Variants in PDSS2 observed in about 807,000 individuals in gnomAD.
The protein encoded by PDSS2 is all trans-polyprenyl-diphosphate synthase PDSS2.
In PDSS2, 31 loss-of-function variants were observed where a neutral mutation model predicts 44.5. The ratio of observed to expected loss-of-function variants is 0.70; its 90% CI spans 0.52 to 0.94. The LOEUF is 0.94. Among genes scored for constraint, PDSS2 ranks in the 40% least tolerant of loss-of-function variants. PDSS2 has a pLI of 0.00. For missense variants in PDSS2, 452 were observed against 482.2 expected, an observed-to-expected ratio of 0.94 and a Z score of 0.59; for synonymous variants, 157 against 180.3, an observed-to-expected ratio of 0.87 and a Z score of 1.03.
chr6:107,283,865 T>C (rs1288913900), intron 2 of PDSS2, among the ~76,000 whole-genome samples: 1 of 151,402 alleles, frequency 6.6e-6, no homozygotes, highest in Non-Finnish European at 1.5e-5. Context: ...AAACTCCATC[T>C]CTACTAAAAA....
At chr6:107,439,437 T>A (rs1279062858) in intron 1 of PDSS2, among the ~76,000 whole-genome samples, 1 of 152,192 alleles carries the variant, frequency 6.6e-6, no homozygotes, top group Non-Finnish European at 1.5e-5. Context: ...GCATATCAGA[T>A]CACTTACATT....
chr6:107,322,670 C>T (rs1438903767), intron 2 of PDSS2, among the ~76,000 whole-genome samples: 1 of 152,102 alleles, frequency 6.6e-6, no homozygotes, highest in Non-Finnish European at 1.5e-5. Flanking sequence ...ATGGCAAAAA[C>T]ACCTCTCTAC....
rs1407244404 is a variant in PDSS2, at chr6:107,289,737, G to A, written c.432-15510C>T. ...GGAATATGCCAGTATAATCCAGGAT[G>A]TGGAGCATGGGGAGAGATGACTATG... On this transcript the variant is annotated intron_variant, in intron 2 of 7. Coordinates refer to ENST00000369037, the MANE Select transcript of PDSS2 (RefSeq NM_020381.4). Among the ~76,000 whole-genome samples the A allele has an allele frequency of 2.6e-5, 4 of 152,156 alleles. No individual in the cohort carries two copies. The East Asian group carries it at 7.7e-4, about 29-fold the overall frequency.
chr6:107,379,751 T>C (rs1373400757), intron 1 of PDSS2, among the ~76,000 whole-genome samples: 2 of 152,292 alleles, frequency 1.3e-5, no homozygotes, highest in East Asian at 3.9e-4. Flanking sequence ...TCTTTGTTTT[T>C]AGCTTTTTAA....
At chr6:107,277,914 T>C (rs1369862099) in intron 2 of PDSS2, among the ~76,000 whole-genome samples, 1 of 151,912 alleles carries the variant, frequency 6.6e-6, no homozygotes, top group African/African-American at 2.4e-5. Flanking sequence ...TAGCTGAGAT[T>C]GCACCACTGC....
chr6:107,422,854 A>C (rs1018749353), intron 1 of PDSS2, among the ~76,000 whole-genome samples: 2 of 152,086 alleles, frequency 1.3e-5, no homozygotes, highest in Non-Finnish European at 2.9e-5. Flanking sequence ...AATAAAATTA[A>C]TTTTCATTTT....
At chr6:107,402,484 ATACG>A in intron 1 of PDSS2, among the ~76,000 whole-genome samples, 1 of 132,284 alleles carries the variant, frequency 7.6e-6, no homozygotes, top group African/African-American at 2.8e-5. Context: ...GTATACATAT[ATACG>A]TATATATGTA....
chr6:107,374,340 G>C (rs1377349450), intron 1 of PDSS2, among the ~76,000 whole-genome samples: 2 of 151,446 alleles, frequency 1.3e-5, no homozygotes, highest in African/African-American at 4.9e-5. Flanking sequence ...TTAATGCTCA[G>C]TTAGGTACAA....
intron 1 of PDSS2, among the ~76,000 whole-genome samples, chr6:107,353,912 T>C (rs762463341): frequency 6.6e-6 from 1 of 152,182 alleles, no homozygotes; most frequent in Non-Finnish European, 1.5e-5. Context: ...CTCAGTAGTT[T>C]TGGAAATGTA....
At chr6:107,292,399 T>A (rs1776378116) in intron 2 of PDSS2, among the ~76,000 whole-genome samples, 1 of 152,214 alleles carries the variant, frequency 6.6e-6, no homozygotes, top group Non-Finnish European at 1.5e-5. Context: ...AGTATTGATG[T>A]GTTCTGTAAT....
intron 4 of PDSS2, among the ~76,000 whole-genome samples, chr6:107,231,012 C>T (rs1381300917): frequency 6.6e-6 from 1 of 152,034 alleles, no homozygotes; most frequent in East Asian, 1.9e-4. Flanking sequence ...AGTTTGAGAC[C>T]AGCCTGGGCA....
At chr6:107,239,235 C>T (rs894979568) in intron 4 of PDSS2, among the ~76,000 whole-genome samples, 1 of 152,120 alleles carries the variant, frequency 6.6e-6, no homozygotes, top group Admixed American at 6.6e-5. Flanking sequence ...TGAGATTGTG[C>T]CACTGCACTC....
At chr6:107,313,476 C>G (rs1325163107) in intron 2 of PDSS2, among the ~76,000 whole-genome samples, 8 of 152,116 alleles carry the variant, frequency 5.3e-5, no homozygotes, top group Non-Finnish European at 1.0e-4. Context: ...CCTCAGCCTC[C>G]TGAGTAGCTG....
chr6:107,458,755 A>G (rs1317081752), intron 1 of PDSS2, among the ~76,000 whole-genome samples: 1 of 152,122 alleles, frequency 6.6e-6, no homozygotes, highest in African/African-American at 2.4e-5. Flanking sequence ...AAGAAGCAAA[A>G]TCGAGGAAAG....
rs921700138 is a variant in PDSS2, at chr6:107,292,772, G to A, written c.432-18545C>T. Among the ~76,000 whole-genome samples the A allele has an allele frequency of 2.0e-5, 3 of 152,198 alleles. No homozygotes were observed. In the South Asian group the frequency reaches 6.2e-4, roughly 32 times the overall value. The stretch of plus-strand genomic sequence containing the variant: ...AGGTCAACCAGATGCTTATGAGGAG[G>A]AGGAGGGGCAGCTAACTAATAATAA... On this transcript the variant is annotated intron_variant, in intron 2 of 7. Transcript: ENST00000369037.
chr6:107,194,298 T>A (rs1772480037), intron 6 of PDSS2, among the ~76,000 whole-genome samples: 1 of 152,246 alleles, frequency 6.6e-6, no homozygotes, highest in Non-Finnish European at 1.5e-5. Context: ...ATTCACACAT[T>A]GCATTCTGGT....
intron 2 of PDSS2, among the ~76,000 whole-genome samples, chr6:107,275,195 G>A (rs555565704): frequency 1.3e-4 from 20 of 151,980 alleles, no homozygotes; most frequent in Non-Finnish European, 2.1e-4. Context: ...ATACTTTTCT[G>A]TAGTTTGTCT....
chr6:107,312,051 G>GT (rs1777061421), intron 2 of PDSS2, among the ~76,000 whole-genome samples: 1 of 152,182 alleles, frequency 6.6e-6, no homozygotes, highest in South Asian at 2.1e-4. Flanking sequence ...CTTAAGTGAG[G>GT]TAAGAGTCAG....
chr6:107,307,545 C>G (rs982761557), intron 2 of PDSS2, among the ~76,000 whole-genome samples: 1 of 150,558 alleles, frequency 6.6e-6, no homozygotes, highest in African/African-American at 2.4e-5. Flanking sequence ...TTTAAACAGG[C>G]AGTTGAGAGG....
Sources: gnomAD v4.1 joint callset for allele counts (sites outside exome capture counted in the v4.1 genomes callset) on GRCh38, gnomAD v4.1.1 for gene constraint, MANE v1.5 for transcripts, NCBI Gene and HGNC (gene_info 2026-07-23, HGNC 2026-07-21) for gene names.